The following TNRC6C variants were observed in gnomAD, a reference collection of about 807,000 sequenced individuals.
TNRC6C encodes the protein trinucleotide repeat-containing gene 6C protein.
A neutral mutation model predicts 153.7 loss-of-function variants in TNRC6C; 20 were observed. The ratio of observed to expected loss-of-function variants is 0.13; its 90% confidence interval spans 0.09 to 0.19. TNRC6C has a LOEUF of 0.19. Among genes scored for constraint, TNRC6C ranks in the 10% least tolerant of loss-of-function variants. TNRC6C has a pLI of 1.00. For missense variants in TNRC6C, 1,987 were observed against 2,172.0 expected, an observed-to-expected ratio of 0.91 and a Z score of 1.69; for synonymous variants, 811 against 841.4, an observed-to-expected ratio of 0.96 and a Z score of 0.63.
chr17:78,030,254 A>G lies in TNRC6C; in HGVS notation c.-545-1262A>G, dbSNP rs62078554. 7.8e-3 allele frequency among the ~76,000 whole-genome samples: 1,190 copies of G among 152,080 alleles called. 14 individuals are homozygous for G. The highest frequency in any genetic ancestry group is 8.8e-3 in the Non-Finnish European group (595 of 67,992). ...AACCTCCACCTCCCGGGTTCAAGCA[A>G]TTCTCCTGCCTCAGCCTCCTGAATA... On this transcript the variant is annotated intron_variant, in intron 1 of 19. Coordinates refer to ENST00000301624, the Ensembl canonical transcript of TNRC6C.
chr17:78,093,890 A>G (rs1379122118), intron 16 of TNRC6C, 127 bp downstream of exon 18: 1 of 1,104,156 alleles, frequency 9.1e-7, no homozygotes, highest in African/African-American at 1.6e-5. Flanking sequence ...CACCTTTTCT[A>G]GTCACCTGAA....
At position 78,057,382 on chromosome 17, in the gene TNRC6C, CA is replaced by C. The variant is rs765008062; in HGVS notation, c.2395+5927del. ...CTTTCACTCTCCAAACTTGTTAGAC[CA>C]AGCTATTATTTGAGCCTGTAGAAGT... On this transcript the variant is annotated intron_variant, in intron 3 of 19. Coordinates refer to ENST00000301624, the Ensembl canonical transcript of TNRC6C. Among the ~76,000 whole-genome samples the C allele has an allele frequency of 4.2e-4, 64 of 152,204 alleles. 3 individuals are homozygous for C. The highest frequency in any genetic ancestry group is 1.3e-4 in the Non-Finnish European group (9 of 68,036).
At chr17:78,087,329 G>A (rs2073313448) in intron 13 of TNRC6C, among the ~76,000 whole-genome samples, 1 of 151,864 alleles carries the variant, frequency 6.6e-6, no homozygotes, top group Non-Finnish European at 1.5e-5. Context: ...TGTTGCTCAG[G>A]CTGGTCTTGA....
Position 78,067,670 on chromosome 17 carries a change from C to T in TNRC6C, c.2612-87C>T. ...GTAGATTACAATGCATCATTTGTCC[C>T]ACGACCCCTAAATTATATGTTACAG... On this transcript the variant is annotated intron_variant, in intron 4 of 19. Coordinates refer to ENST00000301624, the Ensembl canonical transcript of TNRC6C. The T allele has an allele frequency of 4.3e-6, 6 of 1,410,838 alleles. No individual in the cohort carries two copies. The South Asian group carries it at 9.4e-5, about 22-fold the overall frequency. 87.4% of individuals were successfully genotyped at this position (1,410,838 alleles called of 1,614,324 possible). A position where few individuals can be genotyped will look rare whatever the true frequency, so the allele number is the denominator to read the frequency against.
chr17:77,989,882 A>G (rs1171586816), intron 1 of TNRC6C, among the ~76,000 whole-genome samples: 1 of 152,110 alleles, frequency 6.6e-6, no homozygotes, highest in East Asian at 1.9e-4. Flanking sequence ...ACCTGATCTC[A>G]GCTATAACCC....
At chr17:78,046,116 T>C (rs1408128153) in intron 2 of TNRC6C, among the ~76,000 whole-genome samples, 1 of 152,122 alleles carries the variant, frequency 6.6e-6, no homozygotes, top group Non-Finnish European at 1.5e-5. Context: ...CTTTTCTAAA[T>C]TGCCTGTTCC....
At chr17:77,997,653 TG>T (rs1156931514) in intron 1 of TNRC6C, among the ~76,000 whole-genome samples, 2 of 151,466 alleles carry the variant, frequency 1.3e-5, no homozygotes, top group African/African-American at 4.9e-5. Flanking sequence ...TTTATAACGT[TG>T]TTTTTTTTTT....
intron 6 of TNRC6C, among the ~76,000 whole-genome samples, 193 bp downstream of exon 8, chr17:78,071,358 A>G (rs1205935087): frequency 2.0e-5 from 3 of 152,198 alleles, no homozygotes; most frequent in Non-Finnish European, 4.4e-5. Flanking sequence ...GCTTTGAACT[A>G]CAGCAAAGAC....
At chr17:78,048,884 C>T (rs1222767519) in exon 3 of TNRC6C, 9 of 1,244,720 alleles carry the variant, frequency 7.2e-6, no homozygotes, top group Non-Finnish European at 9.0e-6. Context: ...TATGAAAATT[C>T]CCACTGGGGA....
chr17:78,104,470 A>C lies in TNRC6C; in HGVS notation c.4713-15A>C, dbSNP rs765653484. On this transcript the variant is annotated splice_polypyrimidine_tract_variant and intron_variant, in intron 19 of 19. Transcript: ENST00000301624. The surrounding 1 kb of genome is among the most constrained non-coding windows in gnomAD (Gnocchi z 6.2). ...TGGGGTGGCCCTGTTCACGTGCCCC[A>C]TCTTGCTGTTGCAGGTGCGTCCTGG... 6.8e-7 allele frequency: 1 copy of C among 1,480,518 alleles called. No homozygotes were observed. The highest frequency in any genetic ancestry group is 9.0e-7 in the Non-Finnish European group (1 of 1,112,294). The allele number at this position is 1,480,518 out of a possible 1,614,324, so 91.7% of individuals were successfully genotyped here. A position where few individuals can be genotyped will look rare whatever the true frequency, so the allele number is the denominator to read the frequency against.
chr17:78,093,047 C>G lies in TNRC6C; in HGVS notation c.4085C>G (p.Ala1362Gly), dbSNP rs1186929472. The G allele has an allele frequency of 1.9e-6, 3 of 1,613,806 alleles. No homozygotes were observed. The Admixed American group carries it at 5.0e-5, about 27-fold the overall frequency. ...GAGTCACCAGCCAGTCCTCCCGTAG[C>G]TGTTCCCCATAGCTGGTCACGTGCC... Residue 1362 changes from alanine (A) to glycine (G), a missense_variant, in exon 15 of 20, where the codon GCT becomes GGT. Physicochemically the swap from Ala to Gly is moderately conservative, Grantham distance 60. Transcript: ENST00000301624.
At position 78,049,592 on chromosome 17, in the gene TNRC6C, A is replaced by G. The variant is rs199678048; in HGVS notation, c.530A>G (p.Gln177Arg). Residue 177 changes from glutamine (Q) to arginine (R), a missense_variant, in exon 3 of 20, where the codon CAG becomes CGG. Coordinates refer to ENST00000301624, the Ensembl canonical transcript of TNRC6C. The surrounding 1 kb of genome is among the most constrained non-coding windows in gnomAD (Gnocchi z 4.1). ...AATGTGTCTTTCAGCGCACAACCTC[A>G]GAACCTTAACACTGATGGACCAAAT... is the stretch of plus-strand genomic sequence containing the variant. 5.4e-5 allele frequency: 87 copies of G among 1,614,012 alleles called. No individual in the cohort carries two copies. The East Asian group carries it at 1.9e-3, about 36-fold the overall frequency.
At position 78,024,785 on chromosome 17, in the gene TNRC6C, G is replaced by A. The variant is rs1443075432; in HGVS notation, c.-545-6731G>A. On this transcript the variant is annotated intron_variant, in intron 1 of 19. Transcript: ENST00000301624. ...GTGTGGAACATTTGATACAACTGAT[G>A]TTCTAGTATTGATACTTTTTTTTTT... Among the ~76,000 whole-genome samples the A allele has an allele frequency of 4.6e-5, 7 of 151,092 alleles. No individual in the cohort carries two copies. The South Asian group carries it at 1.5e-3, about 32-fold the overall frequency.
rs375547025 is a variant in TNRC6C, at chr17:78,049,138, G to A, written c.76G>A (p.Ala26Thr). 6.2e-6 allele frequency: 10 copies of A among 1,603,576 alleles called. No homozygotes were observed. The highest frequency in any genetic ancestry group is 1.7e-5 in the Admixed American group (1 of 58,670). ...AAATGGCAATAATGGCACCAATGGC[G>A]CACTCGTCCAAAGCCCTTCTAATCA... Residue 26 changes from alanine to threonine, a missense_variant, in exon 3 of 20, where the codon GCA (alanine) becomes ACA (threonine). Physicochemically the swap from Ala to Thr is moderately conservative, Grantham distance 58 (BLOSUM62 0). Transcript: ENST00000301624. The surrounding 1 kb of genome is among the most constrained non-coding windows in gnomAD (Gnocchi z 4.1).
chr17:77,977,819 G>A (rs1051023366), intron 1 of TNRC6C, among the ~76,000 whole-genome samples: 13 of 149,938 alleles, frequency 8.7e-5, no homozygotes, highest in African/African-American at 3.2e-4. Flanking sequence ...TCACATAAGT[G>A]TATGTGAGAC....
In TNRC6C at chr17:78,085,865, T is replaced by G. The variant is rs2073271610; in HGVS notation, c.3478-638T>G. ...TTGTTTTTTTTTTTTAAGTTTCAGT[T>G]TGTATGAATCAAGCAGAAGAATTTT... On this transcript the variant is annotated intron_variant, in intron 11 of 19. Transcript: ENST00000301624. Among the ~76,000 whole-genome samples, 3 of 152,006 alleles carry G rather than the reference T, an allele frequency of 2.0e-5. No homozygotes were observed. The South Asian group carries it at 6.2e-4, about 32-fold the overall frequency.
intron 1 of TNRC6C, among the ~76,000 whole-genome samples, chr17:77,977,891 CT>C (rs528315933): frequency 0.065 from 7,385 of 114,082 alleles, 79 homozygotes; most frequent in East Asian, 0.14. Context: ...TTTAAAACCT[CT>C]TTTTTTTTTT....
intron 2 of TNRC6C, among the ~76,000 whole-genome samples, chr17:78,042,468 A>G (rs578084324): frequency 1.3e-5 from 2 of 152,304 alleles, no homozygotes; most frequent in African/African-American, 4.8e-5. Context: ...GAAATACTTC[A>G]AACTCCGAAA....
intron 1 of TNRC6C, among the ~76,000 whole-genome samples, chr17:77,991,552 G>C (rs781593461): frequency 2.6e-5 from 4 of 152,130 alleles, no homozygotes; most frequent in Non-Finnish European, 5.9e-5. Flanking sequence ...GAAATAATTT[G>C]CTCTTCAATT....
Sources: allele counts gnomAD v4.1 joint callset (sites outside exome capture counted in the v4.1 genomes callset), GRCh38; gene constraint gnomAD v4.1.1; non-coding constraint Gnocchi (gnomAD v3.1); transcripts MANE v1.5; gene names NCBI Gene and HGNC (gene_info 2026-07-23, HGNC 2026-07-21).